Variants in TBC1D2 observed in about 807,000 individuals in gnomAD.
TBC1D2 encodes the protein TBC1 domain family member 2.
Under a neutral mutation model 91.1 loss-of-function variants are expected in TBC1D2, and 58 were observed. The observed-to-expected ratio is 0.64, with a 90% CI of 0.52 to 0.79. TBC1D2 has a LOEUF of 0.79. Among genes scored for constraint, TBC1D2 ranks in the 30% least tolerant of loss-of-function variants. The pLI is 0.00. For missense variants in TBC1D2, 1,080 were observed against 1,208.3 expected (o/e 0.89, Z 1.57); for synonymous variants, 482 against 511.5 (o/e 0.94, Z 0.78).
At chr9:98,245,715 T>C (rs1829751187) in intron 2 of TBC1D2, among the ~76,000 whole-genome samples, 1 of 152,244 alleles carries the variant, frequency 6.6e-6, no homozygotes, top group African/African-American at 2.4e-5. Context: ...TACTGTTTTT[T>C]TTCCAAATTT....
chr9:98,199,326 C>T lies in TBC1D2; in HGVS notation c.*55G>A. ...GGGCCACTGGTCCGTGCCTGACCTC[C>T]AGTGGGTCTGCCAGCCAAGGGTGAG... On this transcript the variant is annotated 3_prime_UTR_variant, in exon 13 of 13. Coordinates refer to ENST00000465784, the MANE Select transcript of TBC1D2 (RefSeq NM_001267571.2). 6.2e-7 allele frequency: 1 copy of T among 1,601,670 alleles called. No individual in the cohort carries two copies. Among genetic ancestry groups the T allele is most frequent in the South Asian group, 1.1e-5 (1 of 90,300 alleles).
chr9:98,219,178 C>T (rs1391121588), intron 6 of TBC1D2, among the ~76,000 whole-genome samples: 1 of 152,134 alleles, frequency 6.6e-6, no homozygotes, highest in Non-Finnish European at 1.5e-5. Context: ...TTCCTTTATC[C>T]TTCTAACAGC....
chr9:98,210,891 G>T, intron 7 of TBC1D2, 48 bp from the exon 8 acceptor site: 1 of 1,309,346 alleles, frequency 7.6e-7, no homozygotes, highest in Non-Finnish European at 1.0e-6. Context: ...GAGCTGGGCC[G>T]CCCCAGAGGC....
At chr9:98,217,309 G>A (rs575038515) in intron 6 of TBC1D2, among the ~76,000 whole-genome samples, 387 of 152,366 alleles carry the variant, frequency 2.5e-3, no homozygotes, top group Middle Eastern at 0.024. Flanking sequence ...GCAGGAGCCC[G>A]GGAATTCTCT....
Position 98,251,893 on chromosome 9 carries a change from G to T in TBC1D2, c.403C>A (p.Gln135Lys). The change falls in exon 2 of 13, where the codon CAG (glutamine) becomes AAG (lysine). Residue 135 changes from glutamine to lysine, a missense_variant. Physicochemically the swap from Gln to Lys is moderately conservative, Grantham distance 53. Transcript: ENST00000465784. ...TCCCAGCGCTTCATCTGCAGCTGCTGCAGCCAGTACAGCATCGCTTGCTTG... is the reference window on the plus strand; with the variant it reads ...TCCCAGCGCTTCATCTGCAGCTGCTTCAGCCAGTACAGCATCGCTTGCTTG... ...ATKQAMLYWL[Q>K]QLQMKRWEFH... 1 of 1,602,286 alleles carries T rather than the reference G, an allele frequency of 6.2e-7. No homozygotes were observed. The highest frequency in any genetic ancestry group is 1.1e-5 in the South Asian group (1 of 89,836).
At chr9:98,247,501 G>A (rs1018811453) in intron 2 of TBC1D2, among the ~76,000 whole-genome samples, 2 of 152,114 alleles carry the variant, frequency 1.3e-5, no homozygotes, top group African/African-American at 4.8e-5. Context: ...GGCGGAGGTG[G>A]GTGGAGCACG....
intron 2 of TBC1D2, among the ~76,000 whole-genome samples, chr9:98,248,187 A>G (rs1829804569): frequency 6.6e-6 from 1 of 152,226 alleles, no homozygotes; most frequent in Admixed American, 6.5e-5. Context: ...CCTTTCTAAC[A>G]AGCAGATCAT....
At chr9:98,243,539 T>A (rs1202182830) in intron 3 of TBC1D2, among the ~76,000 whole-genome samples, 1 of 142,928 alleles carries the variant, frequency 7.0e-6, no homozygotes, top group Non-Finnish European at 1.5e-5. Flanking sequence ...AATGTATTTT[T>A]TTTTTTTTTT....
chr9:98,232,342 G>GTTTTTTT (rs753455224), intron 4 of TBC1D2, among the ~76,000 whole-genome samples: 10 of 86,776 alleles, frequency 1.2e-4, no homozygotes, highest in Admixed American at 7.2e-4. Context: ...CTCTTTTTCT[G>GTTTTTTT]TTTTTTTTTT....
Position 98,255,636 on chromosome 9 carries a change from A to C in TBC1D2, c.-95T>G. 3 of 1,358,314 alleles carry C rather than the reference A, an allele frequency of 2.2e-6. No individual in the cohort carries two copies. Among genetic ancestry groups the C allele is most frequent in the Non-Finnish European group, 2.8e-6 (3 of 1,055,054 alleles). 84.1% of individuals were successfully genotyped at this position (1,358,314 alleles called of 1,614,324 possible). ...GGCGGGCAGCTTCCCAAAGGGAGAC[A>C]CCTGGGCGGGGGCGGGGCCGACGGC... On this transcript the variant is annotated 5_prime_UTR_variant, in exon 1 of 13. Coordinates refer to ENST00000465784, the MANE Select transcript of TBC1D2 (RefSeq NM_001267571.2).
intron 5 of TBC1D2, among the ~76,000 whole-genome samples, chr9:98,222,805 T>C (rs1829131981): frequency 6.6e-6 from 1 of 152,258 alleles, no homozygotes; most frequent in African/African-American, 2.4e-5. Context: ...ATTGGCTGGA[T>C]AGCCTTATTT....
In TBC1D2 at chr9:98,217,837, T is replaced by TC. The variant is rs1484198639; in HGVS notation, c.1374+2995dup. ...CTCAAGTAATCTCCCACCTCAGCCTTCTGAGTAGCTAGGACTATGGCGGGT... is the reference window on the plus strand; with the variant it reads ...CTCAAGTAATCTCCCACCTCAGCCTTCCTGAGTAGCTAGGACTATGGCGGGT... On this transcript the variant is annotated intron_variant, in intron 6 of 12. Coordinates refer to ENST00000465784, the MANE Select transcript of TBC1D2 (RefSeq NM_001267571.2). 2.0e-5 allele frequency among the ~76,000 whole-genome samples: 3 copies of TC among 152,124 alleles called. No homozygotes were observed. The East Asian group carries it at 5.8e-4, about 29-fold the overall frequency.
intron 8 of TBC1D2, 119 bp downstream of exon 8, chr9:98,210,537 G>C: frequency 1.0e-6 from 1 of 986,788 alleles, no homozygotes; most frequent in Non-Finnish European, 1.4e-6. Flanking sequence ...TGCATGTGAA[G>C]ATCAGAGGAG....
chr9:98,217,147 C>T (rs571788144), intron 6 of TBC1D2, among the ~76,000 whole-genome samples: 2 of 152,308 alleles, frequency 1.3e-5, no homozygotes, highest in South Asian at 4.1e-4. Flanking sequence ...TCGGGCAGTA[C>T]CTCCCCCTCC....
intron 2 of TBC1D2, among the ~76,000 whole-genome samples, chr9:98,248,934 C>T (rs896391475): frequency 2.6e-5 from 4 of 152,268 alleles, no homozygotes; most frequent in African/African-American, 9.6e-5. Flanking sequence ...GAGAACATGC[C>T]TTGCAGATTG....
chr9:98,255,518 G>A lies in TBC1D2; in HGVS notation c.24C>T (p.Ala8=), dbSNP rs777379143. The part of the protein sequence containing the change: MEGAGEN[A]PESSSSAPGS... Reference sequence around the variant, plus strand: ...CAGGGGCAGAGGAGCTGGACTCCGGGGCGTTCTCCCCAGCGCCCTCCATCG... The same window carrying A: ...CAGGGGCAGAGGAGCTGGACTCCGGAGCGTTCTCCCCAGCGCCCTCCATCG... Residue 8 remains alanine, a synonymous_variant, in exon 1 of 13, where the codon GCC becomes GCT. Coordinates refer to ENST00000465784, the MANE Select transcript of TBC1D2 (RefSeq NM_001267571.2). The A allele has an allele frequency of 6.5e-7, 1 of 1,536,718 alleles. No individual in the cohort carries two copies. The highest frequency in any genetic ancestry group is 8.8e-7 in the Non-Finnish European group (1 of 1,140,868).
chr9:98,199,382 C>T lies in TBC1D2; in HGVS notation c.2786G>A (p.Ter929=), dbSNP rs774560481. ...ASEDEVEGEA[*] ...CTGTGGGGAGGGGAGGTGGCCAAGT[C>T]AGGCTTCCCCCTCCACCTCGTCCTC... The change falls in exon 13 of 13, where the codon TGA becomes TAA. Residue 929 remains the stop codon, a stop_retained_variant. Coordinates refer to ENST00000465784, the MANE Select transcript of TBC1D2 (RefSeq NM_001267571.2). 1.5e-5 allele frequency: 24 copies of T among 1,612,566 alleles called. No homozygotes were observed. The highest frequency in any genetic ancestry group is 1.8e-5 in the Non-Finnish European group (21 of 1,179,922).
In TBC1D2 at chr9:98,210,774, C is replaced by T. The variant is rs1192745227; in HGVS notation, c.1555G>A (p.Glu519Lys). Residue 519 changes from glutamate (E) to lysine (K), a missense_variant, in exon 8 of 13, where the codon GAG becomes AAG. By Grantham distance (56) the Glu-to-Lys change is moderately conservative. Coordinates refer to ENST00000465784, the MANE Select transcript of TBC1D2 (RefSeq NM_001267571.2). ...TCGCTGGCTTCGTCCCCCAGGGCCT[C>T]CTGCAGCCTTCTCAGACCGGCCAGG... ...KYLAGLRRLQEALGDEASECS... is the reference protein window; with the variant it reads ...KYLAGLRRLQKALGDEASECS... The T allele has an allele frequency of 6.4e-7, 1 of 1,561,208 alleles. No homozygotes were observed. The highest frequency in any genetic ancestry group is 8.7e-7 in the Non-Finnish European group (1 of 1,152,556).
intron 3 of TBC1D2, among the ~76,000 whole-genome samples, chr9:98,236,306 C>G (rs760502961): frequency 6.6e-6 from 1 of 151,986 alleles, no homozygotes; most frequent in Non-Finnish European, 1.5e-5. Flanking sequence ...TCACTGCAAC[C>G]TCCACCTCCC....
Sources: allele counts gnomAD v4.1 joint callset (sites outside exome capture counted in the v4.1 genomes callset), GRCh38; gene constraint gnomAD v4.1.1; transcripts MANE v1.5; gene names NCBI Gene and HGNC (gene_info 2026-07-23, HGNC 2026-07-21).